DAAM1: variants seen among roughly 807,000 people sequenced by gnomAD.
The protein encoded by DAAM1 is dishevelled associated activator of morphogenesis 1.
DAAM1 carries 52 observed loss-of-function variants against 130.0 expected under a neutral mutation model. The observed-to-expected ratio is 0.40, with a 90% CI of 0.32 to 0.50. The LOEUF is 0.50. Among genes scored for constraint, DAAM1 ranks in the 20% least tolerant of loss-of-function variants. DAAM1 has a pLI of 0.61. For missense variants in DAAM1, 1,134 were observed against 1,303.8 expected, an observed-to-expected ratio of 0.87 and a Z score of 2.01; for synonymous variants, 452 against 444.5, an observed-to-expected ratio of 1.02 and a Z score of -0.21.
intron 3 of DAAM1, among the ~76,000 whole-genome samples, chr14:59,308,515 T>A (rs1054743124): frequency 2.0e-5 from 3 of 152,032 alleles, no homozygotes; most frequent in Non-Finnish European, 4.4e-5. Context: ...TCCGGTGAAT[T>A]TTTTAACAGT....
chr14:59,254,624 C>G (rs1881789253), intron 1 of DAAM1, among the ~76,000 whole-genome samples: 1 of 152,134 alleles, frequency 6.6e-6, no homozygotes, highest in African/African-American at 2.4e-5. Context: ...TTCGGGTGCT[C>G]CAAGGACACT....
chr14:59,284,389 G>C (rs1883354023), intron 2 of DAAM1, among the ~76,000 whole-genome samples: 1 of 152,112 alleles, frequency 6.6e-6, no homozygotes, highest in Non-Finnish European at 1.5e-5. Flanking sequence ...TAGAACTGCA[G>C]ATATATGCAA....
intron 1 of DAAM1, among the ~76,000 whole-genome samples, chr14:59,191,879 T>C (rs1887739859): frequency 2.6e-5 from 4 of 152,182 alleles, no homozygotes; most frequent in Admixed American, 2.6e-4. Context: ...GGCAGAGCCG[T>C]TCCGTAAACA....
intron 3 of DAAM1, among the ~76,000 whole-genome samples, chr14:59,305,630 C>T (rs1884349241): frequency 6.6e-6 from 1 of 152,166 alleles, no homozygotes; most frequent in Non-Finnish European, 1.5e-5. Flanking sequence ...AACCACCCCC[C>T]AACTCCTTGT....
At chr14:59,339,512 A>T (rs570561079) in intron 15 of DAAM1, among the ~76,000 whole-genome samples, 1 of 152,322 alleles carries the variant, frequency 6.6e-6, no homozygotes, top group Non-Finnish European at 1.5e-5. Context: ...AACTGAACTC[A>T]TGCCTCAAAC....
At chr14:59,190,249 G>A (rs1313237483) in intron 1 of DAAM1, among the ~76,000 whole-genome samples, 1 of 151,792 alleles carries the variant, frequency 6.6e-6, no homozygotes, top group Admixed American at 6.6e-5. Context: ...TCCCTTCCCC[G>A]TGCCACACCT....
chr14:59,257,327 A>C (rs1349214837), intron 1 of DAAM1, among the ~76,000 whole-genome samples: 1 of 152,138 alleles, frequency 6.6e-6, no homozygotes, highest in Non-Finnish European at 1.5e-5. Context: ...GATTGACTAA[A>C]ACTTAATCCC....
At chr14:59,342,271 G>A (rs2139652211) in intron 16 of DAAM1, among the ~76,000 whole-genome samples, 2 of 152,242 alleles carry the variant, frequency 1.3e-5, no homozygotes, top group South Asian at 4.2e-4. Flanking sequence ...TTGACCTGCT[G>A]GCCATTGGGC....
intron 3 of DAAM1, among the ~76,000 whole-genome samples, chr14:59,313,544 C>T (rs1884673884): frequency 6.6e-6 from 1 of 152,208 alleles, no homozygotes; most frequent in East Asian, 1.9e-4. Context: ...CAGACAGGCT[C>T]TTGTGGGACC....
chr14:59,343,085 C>T (rs886602165), intron 16 of DAAM1, among the ~76,000 whole-genome samples: 3 of 152,166 alleles, frequency 2.0e-5, no homozygotes, highest in Admixed American at 6.5e-5. Flanking sequence ...AGCCCTGCAG[C>T]GGCTTGTGAG....
At chr14:59,219,889 A>T (rs1446603395) in intron 1 of DAAM1, among the ~76,000 whole-genome samples, 1 of 152,088 alleles carries the variant, frequency 6.6e-6, no homozygotes, top group Non-Finnish European at 1.5e-5. Flanking sequence ...GCCTTTATTC[A>T]TTCTTAGCTG....
chr14:59,214,225 C>T (rs1222954030), intron 1 of DAAM1, among the ~76,000 whole-genome samples: 3 of 152,162 alleles, frequency 2.0e-5, no homozygotes, highest in African/African-American at 7.2e-5. Context: ...AGTTCTGTGC[C>T]TGGCATGAGA....
At chr14:59,313,984 G>A (rs751733026) in intron 3 of DAAM1, among the ~76,000 whole-genome samples, 29 of 152,220 alleles carry the variant, frequency 1.9e-4, no homozygotes, top group Admixed American at 1.0e-3. Flanking sequence ...TTAAGGCACT[G>A]TAAGCAATAG....
At chr14:59,198,228 CGTA>C (rs1007557757) in intron 1 of DAAM1, among the ~76,000 whole-genome samples, 2 of 133,284 alleles carry the variant, frequency 1.5e-5, no homozygotes, top group African/African-American at 5.7e-5. Context: ...TTTTTTGAGA[CGTA>C]GTCTTGCACT....
At chr14:59,273,164 T>G (rs1199288111) in intron 2 of DAAM1, among the ~76,000 whole-genome samples, 1 of 152,224 alleles carries the variant, frequency 6.6e-6, no homozygotes, top group Non-Finnish European at 1.5e-5. Flanking sequence ...CTCTGATTCA[T>G]TAAACACATC....
chr14:59,355,484 G>T, intron 20 of DAAM1, 151 bp downstream of exon 20: 2 of 971,100 alleles, frequency 2.1e-6, no homozygotes, highest in South Asian at 3.7e-5. Context: ...CTCTGACATT[G>T]ACTCTTCTCT....
rs1884748368 is a variant in DAAM1, at chr14:59,315,348, T to C, written c.342T>C (p.Ala114=). Reference sequence around the variant, plus strand: ...ACATTGATCAGCTCAATTCCATGGCTGCTGTAAGTAGACTTTTATGTTCTT... The same window carrying C: ...ACATTGATCAGCTCAATTCCATGGCCGCTGTAAGTAGACTTTTATGTTCTT... ...EFYIDQLNSM[A]ARKSLLALEK... The change falls in exon 4 of 25, where the codon GCT becomes GCC. Residue 114 remains alanine (A), a synonymous_variant. Coordinates refer to ENST00000360909, the MANE Select transcript of DAAM1 (RefSeq NM_001270520.2). 1.2e-6 allele frequency: 2 copies of C among 1,613,750 alleles called. No homozygotes were observed. The highest frequency in any genetic ancestry group is 1.7e-6 in the Non-Finnish European group (2 of 1,179,760).
intron 15 of DAAM1, among the ~76,000 whole-genome samples, chr14:59,337,690 TG>T (rs1267489578): frequency 2.0e-5 from 3 of 152,204 alleles, no homozygotes; most frequent in Non-Finnish European, 4.4e-5. Context: ...CTTGTATGCT[TG>T]AACAGTCCTG....
intron 1 of DAAM1, among the ~76,000 whole-genome samples, chr14:59,239,569 A>G (rs1013303464): frequency 3.3e-5 from 5 of 152,080 alleles, no homozygotes; most frequent in South Asian, 4.1e-4. Flanking sequence ...GACAAATTCA[A>G]TGGTAGAATT....
Sources: allele counts gnomAD v4.1 joint callset (sites outside exome capture counted in the v4.1 genomes callset), GRCh38; gene constraint gnomAD v4.1.1; transcripts MANE v1.5; gene names NCBI Gene and HGNC (gene_info 2026-07-23, HGNC 2026-07-21).